SLCO5A1: variants seen among roughly 807,000 people sequenced by gnomAD.
SLCO5A1 encodes solute carrier organic anion transporter family member 5A1, also known as organic anion transporter polypeptide-related protein 4.
A neutral mutation model predicts 65.1 loss-of-function variants in SLCO5A1; 39 were observed. The observed-to-expected ratio is 0.60, with a 90% CI of 0.46 to 0.78. The LOEUF is 0.78. SLCO5A1 is among the 30% of genes least tolerant of loss of function. The pLI is 0.00. For missense variants in SLCO5A1, 1,029 were observed against 1,069.4 expected (o/e 0.96, Z 0.53); for synonymous variants, 438 against 415.7 (o/e 1.05, Z -0.65).
At chr8:69,682,092 G>A (rs1813807924) in intron 7 of SLCO5A1, 92 bp downstream of exon 7, 1 of 1,361,258 alleles carries the variant, frequency 7.3e-7, no homozygotes, top group Admixed American at 2.5e-5. Context: ...TGAAAAGAAA[G>A]ACTGAAGTCA....
At chr8:69,792,002 A>G (rs1450766818) in intron 2 of SLCO5A1, among the ~76,000 whole-genome samples, 4 of 152,232 alleles carry the variant, frequency 2.6e-5, no homozygotes, top group Non-Finnish European at 5.9e-5. Flanking sequence ...TTATTCTAGC[A>G]TCTATTTTTA....
At chr8:69,787,584 G>T (rs1327844811) in intron 2 of SLCO5A1, among the ~76,000 whole-genome samples, 1 of 152,160 alleles carries the variant, frequency 6.6e-6, no homozygotes, top group Non-Finnish European at 1.5e-5. Flanking sequence ...ATGAAGTCTG[G>T]AATGGCATTC....
chr8:69,800,053 A>G (rs1819667351), intron 2 of SLCO5A1, among the ~76,000 whole-genome samples: 1 of 152,130 alleles, frequency 6.6e-6, no homozygotes, highest in Non-Finnish European at 1.5e-5. Context: ...TTACTGAAAG[A>G]TCCACCAAAT....
Position 69,744,283 on chromosome 8 carries a change from C to A in SLCO5A1, c.1259-6079G>T, listed in dbSNP as rs1420800330. On this transcript the variant is annotated intron_variant, in intron 4 of 9. Coordinates refer to ENST00000260126, the MANE Select transcript of SLCO5A1 (RefSeq NM_030958.3). Reference sequence around the variant, plus strand: ...ATGAACACCACTGAGTGCGCCAGGCCTGTGAGAGCGGGCTGCTGCCTGCCC... The same window carrying A: ...ATGAACACCACTGAGTGCGCCAGGCATGTGAGAGCGGGCTGCTGCCTGCCC... Among the ~76,000 whole-genome samples, 3 of 152,190 alleles carry A rather than the reference C, an allele frequency of 2.0e-5. No homozygotes were observed. In the East Asian group the frequency reaches 5.8e-4, roughly 29 times the overall value.
chr8:69,712,792 C>T (rs1402274912), intron 5 of SLCO5A1, among the ~76,000 whole-genome samples: 1 of 152,152 alleles, frequency 6.6e-6, no homozygotes, highest in East Asian at 1.9e-4. Flanking sequence ...GATGAAAGAA[C>T]AAACATTCAT....
chr8:69,797,630 G>GGGC (rs1330171978), intron 2 of SLCO5A1, among the ~76,000 whole-genome samples: 4 of 152,212 alleles, frequency 2.6e-5, no homozygotes, highest in African/African-American at 9.7e-5. Context: ...TCGTGGCGGG[G>GGGC]GGTGGCCGTC....
chr8:69,685,523 T>A (rs1344104815), intron 6 of SLCO5A1, among the ~76,000 whole-genome samples: 1 of 152,226 alleles, frequency 6.6e-6, no homozygotes, highest in Non-Finnish European at 1.5e-5. Context: ...GAGAATCGTG[T>A]TAACTCAAGA....
At chr8:69,805,094 C>G (rs1007660725) in intron 2 of SLCO5A1, among the ~76,000 whole-genome samples, 2 of 151,802 alleles carry the variant, frequency 1.3e-5, no homozygotes, top group Non-Finnish European at 2.9e-5. Context: ...ATGGAGTGCA[C>G]ATCCAAGATA....
intron 6 of SLCO5A1, among the ~76,000 whole-genome samples, chr8:69,696,702 T>C (rs1010134727): frequency 3.3e-5 from 5 of 152,212 alleles, no homozygotes; most frequent in African/African-American, 1.2e-4. Flanking sequence ...CTGAGTATTG[T>C]CATCTGCAAA....
intron 2 of SLCO5A1, among the ~76,000 whole-genome samples, chr8:69,808,892 G>A (rs1050886700): frequency 6.6e-6 from 1 of 152,064 alleles, no homozygotes; most frequent in African/African-American, 2.4e-5. Flanking sequence ...ATCACCTGAG[G>A]TCAGGAGTTT....
At chr8:69,784,072 C>A (rs1294575384) in intron 2 of SLCO5A1, among the ~76,000 whole-genome samples, 2 of 152,046 alleles carry the variant, frequency 1.3e-5, no homozygotes, top group Non-Finnish European at 2.9e-5. Flanking sequence ...AAAATAAGAT[C>A]TTTTTTTAAC....
intron 2 of SLCO5A1, among the ~76,000 whole-genome samples, chr8:69,816,479 T>C (rs558832684): frequency 5.3e-5 from 8 of 152,170 alleles, no homozygotes; most frequent in African/African-American, 1.4e-4. Flanking sequence ...CCATCTCTTT[T>C]TCTCCAGCAA....
At chr8:69,676,746 C>CT in intron 8 of SLCO5A1, 73 bp from the exon 9 acceptor site, 1 of 1,365,412 alleles carries the variant, frequency 7.3e-7, no homozygotes, top group Non-Finnish European at 1.0e-6. Flanking sequence ...ATCAAGTCGG[C>CT]TTTGTGCAGA....
intron 5 of SLCO5A1, among the ~76,000 whole-genome samples, chr8:69,725,512 A>G (rs906603967): frequency 2.7e-5 from 4 of 150,936 alleles, no homozygotes; most frequent in South Asian, 2.1e-4. Flanking sequence ...AGAAATTTTA[A>G]CTGCCAGGAA....
intron 3 of SLCO5A1, among the ~76,000 whole-genome samples, chr8:69,756,021 G>A (rs1817528157): frequency 6.6e-6 from 1 of 151,300 alleles, no homozygotes; most frequent in African/African-American, 2.5e-5. Flanking sequence ...AGCATGTTAT[G>A]TGGACCAATA....
rs1176654366 is a variant in SLCO5A1, at chr8:69,667,573, T to C, written c.*5296A>G. On this transcript the variant is annotated 3_prime_UTR_variant, in exon 10 of 10. Transcript: ENST00000260126. ...AGATACAAACTTTAAACCTCTTTTG[T>C]TCACCCCTTTGGTTTAATGTGTCCC... The C allele has an allele frequency of 6.6e-6, 1 of 152,220 alleles. No individual in the cohort carries two copies. The highest frequency in any genetic ancestry group is 1.5e-5 in the Non-Finnish European group (1 of 68,028). The allele number at this position is 152,220 out of a possible 1,614,324, so 9.4% of individuals were successfully genotyped here.
At chr8:69,677,319 C>A (rs910617983) in intron 8 of SLCO5A1, among the ~76,000 whole-genome samples, 2 of 152,124 alleles carry the variant, frequency 1.3e-5, no homozygotes, top group African/African-American at 4.8e-5. Context: ...GATTAAAGGG[C>A]TCCTTTTCTG....
At chr8:69,800,775 C>A (rs926228044) in intron 2 of SLCO5A1, among the ~76,000 whole-genome samples, 2 of 152,200 alleles carry the variant, frequency 1.3e-5, no homozygotes, top group African/African-American at 4.8e-5. Context: ...GATTCCAGAA[C>A]CCAGGCTGAT....
chr8:69,816,006 C>G (rs1162023081), intron 2 of SLCO5A1, among the ~76,000 whole-genome samples: 2 of 152,138 alleles, frequency 1.3e-5, no homozygotes, highest in African/African-American at 4.8e-5. Context: ...TTACAAAGAT[C>G]TTTTTCCTAA....
Sources: allele counts gnomAD v4.1 joint callset (sites outside exome capture counted in the v4.1 genomes callset), GRCh38; gene constraint gnomAD v4.1.1; transcripts MANE v1.5; gene names NCBI Gene and HGNC (gene_info 2026-07-23, HGNC 2026-07-21).